Variants in GLYR1 observed in about 807,000 individuals in gnomAD.
The protein encoded by GLYR1 is glyoxylate reductase 1 homolog.
A neutral mutation model predicts 72.7 loss-of-function variants in GLYR1; 21 were observed. The ratio of observed to expected loss-of-function variants is 0.29; its 90% confidence interval spans 0.20 to 0.42. GLYR1 has a LOEUF of 0.42. GLYR1 is among the 10% of genes least tolerant of loss of function. GLYR1 has a pLI of 1.00. For synonymous variants in GLYR1, 392 were observed against 270.2 expected (o/e 1.45, Z -4.42); for missense variants, 594 against 712.1 (o/e 0.83, Z 1.89).
intron 5 of GLYR1, among the ~76,000 whole-genome samples, 164 bp from the exon 6 acceptor site, chr16:4,824,071 G>A (rs1423695542): frequency 2.0e-5 from 3 of 152,184 alleles, no homozygotes; most frequent in South Asian, 2.1e-4. Flanking sequence ...CACAAAGTGA[G>A]TCTTTCTTCT....
chr16:4,813,157 G>A (rs1250329932), intron 12 of GLYR1, among the ~76,000 whole-genome samples: 2 of 151,716 alleles, frequency 1.3e-5, no homozygotes, highest in Non-Finnish European at 2.9e-5. Flanking sequence ...TAGAGATGGG[G>A]TTTCACCGTG....
At chr16:4,814,479 C>G (rs949999601) in intron 11 of GLYR1, 58 bp downstream of exon 11, 1 of 1,330,260 alleles carries the variant, frequency 7.5e-7, no homozygotes, top group African/African-American at 1.4e-5. Context: ...GGGGAAGAGG[C>G]CAGCCAGCAA....
chr16:4,827,679 T>A (rs2084482021), intron 5 of GLYR1, among the ~76,000 whole-genome samples: 1 of 151,550 alleles, frequency 6.6e-6, no homozygotes, highest in Admixed American at 6.6e-5. Flanking sequence ...GGCAGGTGGA[T>A]CATGAGGTCA....
rs200251882 is a variant in GLYR1 at position 4,822,853 on chromosome 16, A to G, written c.681+22T>C. On this transcript the variant is annotated intron_variant, in intron 7 of 15. Coordinates refer to ENST00000321919, the MANE Select transcript of GLYR1 (RefSeq NM_032569.4). ...CTTGGCCAGCCCCTGACCAAGGGCC[A>G]AGAGCCTCAAAGGCAACTCACCTTC... 8.9e-5 allele frequency: 143 copies of G among 1,610,596 alleles called. No homozygotes were observed. In the East Asian group the frequency reaches 2.9e-3, roughly 33 times the overall value.
chr16:4,831,235 C>G (rs938161079), intron 5 of GLYR1, among the ~76,000 whole-genome samples: 1 of 152,126 alleles, frequency 6.6e-6, no homozygotes. Context: ...GCAATTACCC[C>G]CTTATGAATG....
At chr16:4,808,363 G>A (rs910579376) in intron 15 of GLYR1, among the ~76,000 whole-genome samples, 2 of 152,200 alleles carry the variant, frequency 1.3e-5, no homozygotes, top group African/African-American at 4.8e-5. Context: ...TAGGTAGGCT[G>A]AGGTGGGTGG....
chr16:4,818,660 G>C (rs934577573), intron 9 of GLYR1, among the ~76,000 whole-genome samples: 1 of 152,272 alleles, frequency 6.6e-6, no homozygotes, highest in Non-Finnish European at 1.5e-5. Flanking sequence ...CAACTTCCTT[G>C]ACTGCATGAA....
chr16:4,808,634 T>C lies in GLYR1; in HGVS notation c.1587+2536A>G, dbSNP rs2083139566. Among the ~76,000 whole-genome samples the C allele has an allele frequency of 2.0e-5, 3 of 152,124 alleles. No individual in the cohort carries two copies. The South Asian group carries it at 6.2e-4, about 31-fold the overall frequency. ...TAAAATAAAATAAAATAACATAAAA[T>C]AAAAGTGTATCAGCTGATAGTACTT... On this transcript the variant is annotated intron_variant, in intron 15 of 15. Transcript: ENST00000321919.
Position 4,812,231 on chromosome 16 carries a change from C to A in GLYR1, c.1137G>T (p.Gly379=). The A allele has an allele frequency of 1.2e-6, 2 of 1,613,136 alleles. No homozygotes were observed. The highest frequency in any genetic ancestry group is 2.2e-5 in the South Asian group (2 of 91,052). ...AGACGGGGGCTTCCAGAAAGCGCCC[C>A]CCCCTGGACACAATCACCTGGAAAG... ...TELAQVIVSR[G]GRFLEAPVSG... is the part of the protein sequence containing the mutation. The change falls in exon 13 of 16, where the codon GGG becomes GGT. Residue 379 remains glycine (G), a synonymous_variant. Coordinates refer to ENST00000321919, the MANE Select transcript of GLYR1 (RefSeq NM_032569.4).
chr16:4,831,393 G>T (rs1171094201), intron 5 of GLYR1, among the ~76,000 whole-genome samples: 2 of 152,140 alleles, frequency 1.3e-5, no homozygotes, highest in Non-Finnish European at 2.9e-5. Flanking sequence ...GTACCACGCT[G>T]CTTCAGTAGA....
At position 4,821,538 on chromosome 16, in the gene GLYR1, C is replaced by G. The variant is rs746315512; in HGVS notation, c.732+9G>C. On this transcript the variant is annotated intron_variant, in intron 8 of 15. Coordinates refer to ENST00000321919, the MANE Select transcript of GLYR1 (RefSeq NM_032569.4). ...AAAATTAAAATGGGGAGGCATGGAGCCTACATACCTCTTCACATATTTTCA... is the reference window on the plus strand; with the variant it reads ...AAAATTAAAATGGGGAGGCATGGAGGCTACATACCTCTTCACATATTTTCA... 7 of 1,613,502 alleles carry G rather than the reference C, an allele frequency of 4.3e-6. No individual in the cohort carries two copies. In the South Asian group the frequency reaches 5.5e-5, roughly 13 times the overall value.
intron 12 of GLYR1, among the ~76,000 whole-genome samples, chr16:4,813,151 G>A (rs1013040071): frequency 1.3e-5 from 2 of 151,408 alleles, no homozygotes; most frequent in East Asian, 3.9e-4. Context: ...TTTTAGTAGA[G>A]ATGGGGTTTC....
At chr16:4,844,559 C>T (rs1481408518) in intron 3 of GLYR1, among the ~76,000 whole-genome samples, 1 of 152,138 alleles carries the variant, frequency 6.6e-6, no homozygotes, top group Non-Finnish European at 1.5e-5. Context: ...TTGCTTGAGT[C>T]CAGGAGTTCA....
intron 3 of GLYR1, among the ~76,000 whole-genome samples, chr16:4,833,643 C>CA (rs112227653): frequency 0.038 from 4,834 of 128,722 alleles, 126 homozygotes; most frequent in African/African-American, 0.085. Flanking sequence ...TATGATGTCT[C>CA]AAAAAAAAAA....
At position 4,831,890 on chromosome 16, in the gene GLYR1, G is replaced by T; in HGVS notation, c.537+89C>A. The T allele has an allele frequency of 2.0e-6, 3 of 1,508,342 alleles. No individual in the cohort carries two copies. In the South Asian group the frequency reaches 4.0e-5, roughly 20 times the overall value. The allele number at this position is 1,508,342 out of a possible 1,614,324, so 93.4% of individuals were successfully genotyped here. A position where few individuals can be genotyped will look rare whatever the true frequency, so the allele number is the denominator to read the frequency against. On this transcript the variant is annotated intron_variant, in intron 5 of 15. Transcript: ENST00000321919. ...CACTCCATGAGCAGAGTATAGATAA[G>T]CATACTACATAAGCATACTGTAGAG...
Position 4,811,756 on chromosome 16 carries a change from G to C in GLYR1, c.1329C>G (p.Val443=). Residue 443 remains valine, a synonymous_variant, in exon 14 of 16, where the codon GTC becomes GTG. Transcript: ENST00000321919. ...CAATAGTGGCCATGAAGCTCCCTTG[G>C]ACCATGTTCACGATCAGCATCATCT... The part of the protein sequence containing the change: ...AAKMMLIVNM[V]QGSFMATIAE... 1 of 1,614,064 alleles carries C rather than the reference G, an allele frequency of 6.2e-7. No homozygotes were observed. The highest frequency in any genetic ancestry group is 8.5e-7 in the Non-Finnish European group (1 of 1,179,976).
intron 3 of GLYR1, chr16:4,839,814 G>T (rs1179622503): frequency 1.3e-5 from 2 of 152,104 alleles, no homozygotes; most frequent in South Asian, 4.2e-4. Context: ...TTTAATAAAA[G>T]ACCTTGCAAA....
rs556910257 is a variant in GLYR1, at chr16:4,804,876, C to G, written c.*360G>C. 1 of 277,496 alleles carries G rather than the reference C, an allele frequency of 3.6e-6. No individual in the cohort carries two copies. The highest frequency in any genetic ancestry group is 4.4e-5 in the Admixed American group (1 of 22,746). The allele number at this position is 277,496 out of a possible 1,614,324, so 17.2% of individuals were successfully genotyped here. A position where few individuals can be genotyped will look rare whatever the true frequency, so the allele number is the denominator to read the frequency against. On this transcript the variant is annotated 3_prime_UTR_variant, in exon 16 of 16. Coordinates refer to ENST00000321919, the MANE Select transcript of GLYR1 (RefSeq NM_032569.4). ...GAAGGGGTTTGAGATAAGACAAGCT[C>G]GGAAGAAAAAAAGCCAGGCAGCAGT...
chr16:4,826,583 G>C (rs1418987768), intron 5 of GLYR1, among the ~76,000 whole-genome samples: 1 of 152,198 alleles, frequency 6.6e-6, no homozygotes, highest in Non-Finnish European at 1.5e-5. Context: ...TTGGCCTATA[G>C]GAGAATTACT....
Sources: gnomAD v4.1 joint callset for allele counts (sites outside exome capture counted in the v4.1 genomes callset) on GRCh38, gnomAD v4.1.1 for gene constraint, MANE v1.5 for transcripts, NCBI Gene and HGNC (gene_info 2026-07-23, HGNC 2026-07-21) for gene names.